The following P2RY12 variants were observed in gnomAD, a reference collection of about 807,000 sequenced individuals.
The protein encoded by P2RY12 is purinergic receptor P2Y12.
Under a neutral mutation model 4.5 loss-of-function variants are expected in P2RY12, and 3 were observed. The observed-to-expected ratio is 0.67, with a 90% CI of 0.31 to 1.74. The LOEUF (loss-of-function observed/expected upper bound fraction) is 1.74. Ranked by LOEUF, P2RY12 falls within the 40% of genes most tolerant of loss-of-function variation. P2RY12 has a pLI of 0.09. For missense variants in P2RY12, 356 were observed against 407.8 expected, an observed-to-expected ratio of 0.87 and a Z score of 1.09; for synonymous variants, 148 against 154.1, an observed-to-expected ratio of 0.96 and a Z score of 0.29.
chr3:151,349,008 G>A (rs1399132206), intron 1 of P2RY12, among the ~76,000 whole-genome samples: 2 of 152,230 alleles, frequency 1.3e-5, no homozygotes, highest in Non-Finnish European at 2.9e-5. Flanking sequence ...GTTGGGAAGG[G>A]TAAGTGCTTG....
intron 1 of P2RY12, among the ~76,000 whole-genome samples, chr3:151,364,158 T>C (rs759773524): frequency 2.6e-4 from 39 of 152,152 alleles, no homozygotes; most frequent in Non-Finnish European, 5.6e-4. Flanking sequence ...TAAGCACAAA[T>C]GGCTAAGTTT....
chr3:151,369,317 G>T, intron 1 of P2RY12: 1 of 573,732 alleles, frequency 1.7e-6, no homozygotes. Context: ...ATCAATTAAA[G>T]CAAGCTAATG....
chr3:151,357,094 A>T, intron 1 of P2RY12: 2 of 902,206 alleles, frequency 2.2e-6, no homozygotes, highest in Non-Finnish European at 3.3e-6. Flanking sequence ...TAAAAAAGTT[A>T]AATTTAGGGA....
chr3:151,369,645 A>G (rs769218738), intron 1 of P2RY12: 12 of 750,908 alleles, frequency 1.6e-5, no homozygotes, highest in Non-Finnish European at 2.5e-5. Flanking sequence ...ATTATTGGAA[A>G]CATGATACTG....
intron 1 of P2RY12, among the ~76,000 whole-genome samples, chr3:151,378,872 C>T (rs1236241475): frequency 6.6e-6 from 1 of 152,186 alleles, no homozygotes; most frequent in African/African-American, 2.4e-5. Context: ...TGACTGCTTA[C>T]AGAATGGCAA....
At chr3:151,373,452 C>T (rs62285879) in intron 1 of P2RY12, among the ~76,000 whole-genome samples, 18,834 of 151,988 alleles carry the variant, frequency 0.12, 2,286 homozygotes, top group African/African-American at 0.31. Flanking sequence ...GGAGATACTT[C>T]GAGACAGTGC....
In P2RY12 at chr3:151,337,954, A is replaced by G. The variant is rs1751241674; in HGVS notation, c.892T>C (p.Tyr298His). The change falls in exon 3 of 3, where the codon TAT becomes CAT. Residue 298 changes from tyrosine to histidine, a missense_variant. Coordinates refer to ENST00000302632, the MANE Select transcript of P2RY12 (RefSeq NM_022788.5). Reference protein sequence around the residue: ...SLNACLDPFIYFFLCKSFRNS... With the variant: ...SLNACLDPFIHFFLCKSFRNS... The stretch of plus-strand genomic sequence containing the variant: ...CTGAAGGACTTGCAAAGGAAAAAAT[A>G]GATGAACGGATCCAGGCATGCATTT... 1 of 1,614,058 alleles carries G rather than the reference A, an allele frequency of 6.2e-7. No individual in the cohort carries two copies. The highest frequency in any genetic ancestry group is 8.5e-7 in the Non-Finnish European group (1 of 1,180,030).
chr3:151,346,358 C>A (rs1752536751), intron 1 of P2RY12, among the ~76,000 whole-genome samples: 1 of 152,102 alleles, frequency 6.6e-6, no homozygotes, highest in African/African-American at 2.4e-5. Flanking sequence ...TTTTGATGAT[C>A]TTCATAACGC....
intron 1 of P2RY12, among the ~76,000 whole-genome samples, chr3:151,351,025 G>T (rs184318687): frequency 6.6e-6 from 1 of 152,134 alleles, no homozygotes; most frequent in African/African-American, 2.4e-5. Context: ...GAAGGAAAAA[G>T]AAAGTTTGTG....
At chr3:151,383,780 T>C (rs773825105) in intron 1 of P2RY12, 1 of 1,606,692 alleles carries the variant, frequency 6.2e-7, no homozygotes, top group South Asian at 1.1e-5. Context: ...GTCTGCTAGG[T>C]AGGAGGAATG....
chr3:151,340,424 T>G (rs1186542224), intron 2 of P2RY12, among the ~76,000 whole-genome samples, 172 bp downstream of exon 2: 1 of 152,194 alleles, frequency 6.6e-6, no homozygotes, highest in Non-Finnish European at 1.5e-5. Flanking sequence ...TTAACAATTG[T>G]CTCTGACATC....
rs1488053612 is a variant in P2RY12, at chr3:151,340,706, A to C, written c.-125T>G. On this transcript the variant is annotated 5_prime_UTR_variant, in exon 2 of 3. Coordinates refer to ENST00000302632, the MANE Select transcript of P2RY12 (RefSeq NM_022788.5). ...TTTTAATGTCTTAGTTTAGTTGCCA[A>C]ACCTCTTTGTGATAGAGGATTTCCT... The C allele has an allele frequency of 1.3e-5, 2 of 152,608 alleles. No homozygotes were observed. Among genetic ancestry groups the C allele is most frequent in the African/African-American group, 2.4e-5 (1 of 41,452 alleles). The allele number at this position is 152,608 out of a possible 1,614,324, so 9.5% of individuals were successfully genotyped here. A position where few individuals can be genotyped will look rare whatever the true frequency, so the allele number is the denominator to read the frequency against.
chr3:151,367,927 C>T (rs1210658604), intron 1 of P2RY12, among the ~76,000 whole-genome samples: 4 of 151,992 alleles, frequency 2.6e-5, no homozygotes. Context: ...TTATTTTATA[C>T]AAATTAACAT....
chr3:151,370,000 G>A (rs1016844673), intron 1 of P2RY12, among the ~76,000 whole-genome samples: 2 of 152,108 alleles, frequency 1.3e-5, no homozygotes, highest in African/African-American at 2.4e-5. Context: ...GACCCTGAAC[G>A]AGTATATTTC....
intron 2 of P2RY12, among the ~76,000 whole-genome samples, chr3:151,339,526 C>G (rs1464143906): frequency 1.3e-5 from 2 of 151,496 alleles, no homozygotes; most frequent in East Asian, 1.9e-4. Context: ...CACGGAGATT[C>G]ATTATTCTGC....
intron 1 of P2RY12, among the ~76,000 whole-genome samples, chr3:151,366,333 G>A (rs1755264506): frequency 1.3e-5 from 2 of 152,212 alleles, no homozygotes; most frequent in South Asian, 4.1e-4. Flanking sequence ...TCACAGCATG[G>A]GACATAATCT....
At chr3:151,369,809 TA>T (rs2107991074) in intron 1 of P2RY12, among the ~76,000 whole-genome samples, 1 of 152,306 alleles carries the variant, frequency 6.6e-6, no homozygotes, top group East Asian at 1.9e-4. Context: ...CATTCTGATG[TA>T]AAATAGGTCC....
chr3:151,339,260 C>T (rs186282292), intron 2 of P2RY12, among the ~76,000 whole-genome samples: 209 of 152,156 alleles, frequency 1.4e-3, no homozygotes, highest in African/African-American at 4.8e-3. Context: ...TTCACAGTCA[C>T]TTTTCCCCCC....
intron 1 of P2RY12, among the ~76,000 whole-genome samples, chr3:151,355,461 C>T (rs1577418946): frequency 6.6e-6 from 1 of 151,976 alleles, no homozygotes; most frequent in Non-Finnish European, 1.5e-5. Flanking sequence ...TGATAATAAT[C>T]GGTGACATAT....
Sources: gnomAD v4.1 joint callset for allele counts (sites outside exome capture counted in the v4.1 genomes callset) on GRCh38, gnomAD v4.1.1 for gene constraint, MANE v1.5 for transcripts, NCBI Gene and HGNC (gene_info 2026-07-23, HGNC 2026-07-21) for gene names.